Variants in DYNC2H1 observed in about 807,000 individuals in gnomAD.
DYNC2H1 encodes dynein cytoplasmic 2 heavy chain 1.
DYNC2H1 carries 410 observed loss-of-function variants against 570.0 expected under a neutral mutation model. That is an observed-to-expected ratio of 0.72 (90% CI 0.66 to 0.78). DYNC2H1 has a LOEUF of 0.78. Among genes scored for constraint, DYNC2H1 ranks in the 30% least tolerant of loss-of-function variants. DYNC2H1 has a pLI of 0.00. For synonymous variants in DYNC2H1, 1,688 were observed against 1,677.6 expected (o/e 1.01, Z -0.15); for missense variants, 4,865 against 5,046.4 (o/e 0.96, Z 1.09).
intron 66 of DYNC2H1, 91 bp from the exon 67 acceptor site, chr11:103,255,324 A>G: frequency 7.5e-7 from 1 of 1,339,246 alleles, no homozygotes; most frequent in Non-Finnish European, 1.0e-6. Flanking sequence ...TATTTGTAAT[A>G]GTCTGTCAAA....
chr11:103,425,119 A>AGAGAT (rs1416932607), intron 84 of DYNC2H1, among the ~76,000 whole-genome samples: 1 of 152,080 alleles, frequency 6.6e-6, no homozygotes, highest in Non-Finnish European at 1.5e-5. Context: ...TATTTTCTGT[A>AGAGAT]GAGATGATAG....
At chr11:103,149,551 T>C (rs982800648) in intron 20 of DYNC2H1, among the ~76,000 whole-genome samples, 1 of 152,180 alleles carries the variant, frequency 6.6e-6, no homozygotes, top group Non-Finnish European at 1.5e-5. Flanking sequence ...TTTTATGTGA[T>C]AGACTTAAAG....
intron 17 of DYNC2H1, among the ~76,000 whole-genome samples, chr11:103,139,773 T>C (rs1414917637): frequency 6.6e-6 from 1 of 152,094 alleles, no homozygotes; most frequent in East Asian, 1.9e-4. Flanking sequence ...GTATCCTTGT[T>C]AACTTTCTGT....
chr11:103,222,334 G>A (rs1050407340), intron 58 of DYNC2H1, among the ~76,000 whole-genome samples, 181 bp downstream of exon 58: 4 of 152,096 alleles, frequency 2.6e-5, no homozygotes, highest in Non-Finnish European at 5.9e-5. Flanking sequence ...TTAGAATCTA[G>A]GTAGCAGGGG....
intron 82 of DYNC2H1, among the ~76,000 whole-genome samples, chr11:103,344,135 A>C (rs1013226399): frequency 3.9e-5 from 6 of 152,176 alleles, no homozygotes; most frequent in Non-Finnish European, 8.8e-5. Context: ...TGACTCAGAA[A>C]AATGTTTTAA....
chr11:103,162,613 A>T (rs990019611), intron 29 of DYNC2H1, among the ~76,000 whole-genome samples: 2 of 152,170 alleles, frequency 1.3e-5, no homozygotes, highest in African/African-American at 4.8e-5. Flanking sequence ...TCAGGATGGC[A>T]TGAGCCAGGA....
rs532387291 is a variant in DYNC2H1, at chr11:103,185,235, G to A, written c.6633+184G>A. On this transcript the variant is annotated intron_variant, in intron 41 of 88. Transcript: ENST00000375735. The surrounding 1 kb of genome is among the most constrained non-coding windows in gnomAD (Gnocchi z 4.5). ...TATTTTCTCCTTTGAGTTATTTTAT[G>A]ATGTTTGATAATATTATTAACATTT... is the stretch of plus-strand genomic sequence containing the variant. Among the ~76,000 whole-genome samples the A allele has an allele frequency of 1.3e-5, 2 of 151,708 alleles. No individual in the cohort carries two copies. Among genetic ancestry groups the A allele is most frequent in the African/African-American group, 4.8e-5 (2 of 41,476 alleles).
At chr11:103,342,062 A>G (rs313421) in intron 82 of DYNC2H1, among the ~76,000 whole-genome samples, 101,936 of 152,006 alleles carry the variant, frequency 0.67, 34,244 homozygotes, top group Admixed American at 0.73. Context: ...GATCACTTGA[A>G]CCTGGGAGGT....
In DYNC2H1 at chr11:103,143,403, A is replaced by C; in HGVS notation, c.2702+8A>C. 6.2e-7 allele frequency: 1 copy of C among 1,605,316 alleles called. No homozygotes were observed. Among genetic ancestry groups the C allele is most frequent in the Non-Finnish European group, 8.5e-7 (1 of 1,176,676 alleles). ...AGTAGAACGACTTCCAAGGTATTGGAGGTTAATGTAGTACTTACGTACCAT... is the reference window on the plus strand; with the variant it reads ...AGTAGAACGACTTCCAAGGTATTGGCGGTTAATGTAGTACTTACGTACCAT... On this transcript the variant is annotated splice_region_variant and intron_variant, in intron 18 of 88. Transcript: ENST00000375735.
intron 84 of DYNC2H1, among the ~76,000 whole-genome samples, chr11:103,417,617 G>C (rs7928264): frequency 6.6e-6 from 1 of 150,512 alleles, no homozygotes; most frequent in East Asian, 2.0e-4. Flanking sequence ...GGTGGTTCAC[G>C]CCTGTAATCC....
At chr11:103,473,007 A>G (rs1945434133) in intron 88 of DYNC2H1, among the ~76,000 whole-genome samples, 1 of 152,208 alleles carries the variant, frequency 6.6e-6, no homozygotes, top group South Asian at 2.1e-4. Context: ...AAAAGATTGA[A>G]GAACTTCAAC....
chr11:103,353,679 G>A (rs982475221), intron 82 of DYNC2H1, among the ~76,000 whole-genome samples: 1 of 151,896 alleles, frequency 6.6e-6, no homozygotes, highest in African/African-American at 2.4e-5. Context: ...TACTAAAAAA[G>A]GGTTACCTTT....
intron 37 of DYNC2H1, among the ~76,000 whole-genome samples, chr11:103,176,793 C>T (rs1267794115): frequency 6.6e-6 from 1 of 151,402 alleles, no homozygotes; most frequent in East Asian, 1.9e-4. Context: ...GCAACCTCTG[C>T]CTCCCAGGTT....
Position 103,128,877 on chromosome 11 carries a change from T to G in DYNC2H1, c.1858-33T>G, listed in dbSNP as rs200021536. ...AAATAAAAAATTAAAAATGAAGTTA[T>G]TAATTATTACTAATTGGACTTTTAC... On this transcript the variant is annotated intron_variant, in intron 12 of 88. Coordinates refer to ENST00000375735, the MANE Select transcript of DYNC2H1 (RefSeq NM_001377.3). 1.4e-4 allele frequency: 202 copies of G among 1,420,306 alleles called. No homozygotes were observed. In the African/African-American group the frequency reaches 2.7e-3, roughly 19 times the overall value. 88.0% of individuals were successfully genotyped at this position (1,420,306 alleles called of 1,614,324 possible).
chr11:103,373,276 T>A (rs577130852), intron 83 of DYNC2H1, among the ~76,000 whole-genome samples: 1 of 152,282 alleles, frequency 6.6e-6, no homozygotes, highest in East Asian at 1.9e-4. Context: ...ATTGTATGTG[T>A]CTAGGAATTT....
chr11:103,164,571 G>C (rs1319554627), intron 30 of DYNC2H1, among the ~76,000 whole-genome samples: 1 of 152,128 alleles, frequency 6.6e-6, no homozygotes, highest in Non-Finnish European at 1.5e-5. Context: ...GAAAGAATCT[G>C]ACTTTGGTTT....
intron 21 of DYNC2H1, among the ~76,000 whole-genome samples, chr11:103,152,865 T>C (rs575100432): frequency 1.3e-5 from 2 of 152,266 alleles, no homozygotes; most frequent in African/African-American, 4.8e-5. Context: ...GTTGCACATA[T>C]CTACTGCACT....
chr11:103,297,555 T>C (rs1591540484), intron 75 of DYNC2H1, among the ~76,000 whole-genome samples: 1 of 152,138 alleles, frequency 6.6e-6, no homozygotes, highest in African/African-American at 2.4e-5. Context: ...CCGTGCAGCA[T>C]GTTACTGTAC....
At chr11:103,128,348 C>T (rs1859097922) in intron 12 of DYNC2H1, among the ~76,000 whole-genome samples, 1 of 152,208 alleles carries the variant, frequency 6.6e-6, no homozygotes, top group Non-Finnish European at 1.5e-5. Flanking sequence ...GTTAGGAAAT[C>T]TGTTGCACTG....
Sources: allele counts gnomAD v4.1 joint callset (sites outside exome capture counted in the v4.1 genomes callset), GRCh38; gene constraint gnomAD v4.1.1; non-coding constraint Gnocchi (gnomAD v3.1); transcripts MANE v1.5; gene names NCBI Gene and HGNC (gene_info 2026-07-23, HGNC 2026-07-21).